Variants in TBCK observed in about 807,000 individuals in gnomAD.
TBCK encodes TBC domain-containing protein kinase-like protein.
Under a neutral mutation model 113.4 loss-of-function variants are expected in TBCK, and 99 were observed. The observed-to-expected ratio is 0.87, with a 90% confidence interval of 0.74 to 1.03. TBCK has a LOEUF of 1.03. Ranked by LOEUF, TBCK falls within the 50% of genes least tolerant of loss-of-function variation. The pLI is 0.00. For missense variants in TBCK, 1,045 were observed against 1,061.3 expected, an observed-to-expected ratio of 0.98 and a Z score of 0.21; for synonymous variants, 369 against 370.8, an observed-to-expected ratio of 1.00 and a Z score of 0.05.
At chr4:106,273,854 C>T (rs754782014) in intron 3 of TBCK, among the ~76,000 whole-genome samples, 2 of 152,174 alleles carry the variant, frequency 1.3e-5, no homozygotes, top group Non-Finnish European at 2.9e-5. Flanking sequence ...AGAGAATAAA[C>T]GTCTGTTATT....
At chr4:106,299,736 T>C (rs1008495120) in intron 2 of TBCK, among the ~76,000 whole-genome samples, 1 of 152,170 alleles carries the variant, frequency 6.6e-6, no homozygotes, top group Non-Finnish European at 1.5e-5. Context: ...AACAATATAG[T>C]TTCACAGAAT....
chr4:106,180,558 A>C (rs969851533), intron 22 of TBCK, among the ~76,000 whole-genome samples: 1 of 151,518 alleles, frequency 6.6e-6, no homozygotes, highest in South Asian at 2.1e-4. Context: ...CACAGGCCCC[A>C]ATGTGTGATG....
At chr4:106,272,592 T>C (rs1763611264) in intron 3 of TBCK, among the ~76,000 whole-genome samples, 2 of 150,776 alleles carry the variant, frequency 1.3e-5, no homozygotes, top group East Asian at 2.0e-4. Flanking sequence ...CCCAGGTTCA[T>C]GCCATTCTCC....
chr4:106,199,396 C>T (rs1754623897), intron 20 of TBCK, among the ~76,000 whole-genome samples: 1 of 152,068 alleles, frequency 6.6e-6, no homozygotes, highest in African/African-American at 2.4e-5. Context: ...TCCTCTTCCT[C>T]TCTCTCACTC....
chr4:106,281,058 A>G (rs1397375485), intron 3 of TBCK, among the ~76,000 whole-genome samples: 1 of 152,190 alleles, frequency 6.6e-6, no homozygotes, highest in Non-Finnish European at 1.5e-5. Context: ...ATCCATAAAC[A>G]TGAAATATAT....
chr4:106,310,741 A>T (rs1424657248), intron 1 of TBCK, among the ~76,000 whole-genome samples: 1 of 152,176 alleles, frequency 6.6e-6, no homozygotes, highest in Non-Finnish European at 1.5e-5. Flanking sequence ...TTAAATAATG[A>T]GTTGTCTGAG....
At chr4:106,299,112 G>C (rs895887151) in intron 2 of TBCK, among the ~76,000 whole-genome samples, 4 of 152,204 alleles carry the variant, frequency 2.6e-5, no homozygotes, top group African/African-American at 9.6e-5. Flanking sequence ...TACATCACAG[G>C]AGCCTAGTGC....
rs1053581148 is a variant in TBCK at position 106,141,009 on chromosome 4, T to C, written c.2236-24631A>G. Among the ~76,000 whole-genome samples the C allele has an allele frequency of 1.4e-5, 2 of 140,540 alleles. 1 individual carries two copies. Among genetic ancestry groups the C allele is most frequent in the Non-Finnish European group, 3.2e-5 (2 of 61,920 alleles). 92.2% of individuals were successfully genotyped at this position (140,540 alleles called of 152,430 possible). On this transcript the variant is annotated intron_variant, in intron 23 of 25. Transcript: ENST00000394708. The stretch of plus-strand genomic sequence containing the variant: ...TACCAGACAGTGTGTTGATAAGATA[T>C]ATGATAAAACTCTCAAGAAATCAGA...
intron 19 of TBCK, among the ~76,000 whole-genome samples, chr4:106,220,626 T>A (rs770440600): frequency 6.6e-6 from 1 of 152,058 alleles, no homozygotes; most frequent in Non-Finnish European, 1.5e-5. Context: ...AAAAAAAAGA[T>A]ACTCAAGTAA....
At chr4:106,169,256 A>G (rs1431111556) in intron 23 of TBCK, among the ~76,000 whole-genome samples, 1 of 127,344 alleles carries the variant, frequency 7.9e-6, no homozygotes, top group South Asian at 2.7e-4. Flanking sequence ...TAACCAACAC[A>G]GTATTAAAAA....
chr4:106,082,113 A>G (rs890646145), intron 25 of TBCK, among the ~76,000 whole-genome samples: 9 of 152,250 alleles, frequency 5.9e-5, no homozygotes. Flanking sequence ...TACCCAAAGG[A>G]TAATAAATTC....
At chr4:106,147,670 A>T (rs12503753) in intron 23 of TBCK, among the ~76,000 whole-genome samples, 1 of 151,680 alleles carries the variant, frequency 6.6e-6, no homozygotes, top group Non-Finnish European at 1.5e-5. Context: ...CTGTCATCTC[A>T]TAAGCCGAGG....
At chr4:106,111,116 G>A (rs1350316581) in intron 24 of TBCK, among the ~76,000 whole-genome samples, 1 of 152,070 alleles carries the variant, frequency 6.6e-6, no homozygotes, top group African/African-American at 2.4e-5. Context: ...CCCTAACGTG[G>A]CTCTCTCAAA....
At chr4:106,287,096 T>C (rs1765192656) in intron 3 of TBCK, among the ~76,000 whole-genome samples, 1 of 152,100 alleles carries the variant, frequency 6.6e-6, no homozygotes, top group African/African-American at 2.4e-5. Context: ...TATGGGGTCC[T>C]CTGGAACTTC....
At chr4:106,190,448 C>T (rs1461671814) in intron 22 of TBCK, among the ~76,000 whole-genome samples, 2 of 152,158 alleles carry the variant, frequency 1.3e-5, no homozygotes, top group Non-Finnish European at 1.5e-5. Context: ...TTGATACCTG[C>T]TTTCTTTGCT....
At chr4:106,206,138 G>T (rs1755470960) in intron 20 of TBCK, among the ~76,000 whole-genome samples, 1 of 152,046 alleles carries the variant, frequency 6.6e-6, no homozygotes, top group African/African-American at 2.4e-5. Context: ...ATATAAAGGG[G>T]TTCTGAGAGC....
chr4:106,249,454 A>C (rs1270372658), intron 7 of TBCK, among the ~76,000 whole-genome samples: 1 of 152,176 alleles, frequency 6.6e-6, no homozygotes, highest in Non-Finnish European at 1.5e-5. Flanking sequence ...TGTGGGGCTG[A>C]CTGTGGAACT....
At chr4:106,148,805 G>A (rs1357129723) in intron 23 of TBCK, among the ~76,000 whole-genome samples, 1 of 152,126 alleles carries the variant, frequency 6.6e-6, no homozygotes, top group African/African-American at 2.4e-5. Flanking sequence ...ATCTATATCA[G>A]CCCCTAACAG....
intron 4 of TBCK, among the ~76,000 whole-genome samples, chr4:106,260,726 G>A (rs1762429985): frequency 1.3e-5 from 2 of 151,766 alleles, no homozygotes; most frequent in African/African-American, 2.4e-5. Context: ...ATGTATATAT[G>A]CATATGTACA....
Sources: allele counts gnomAD v4.1 joint callset (sites outside exome capture counted in the v4.1 genomes callset), GRCh38; gene constraint gnomAD v4.1.1; transcripts MANE v1.5; gene names NCBI Gene and HGNC (gene_info 2026-07-23, HGNC 2026-07-21).